Variants in NIBAN1 observed in about 807,000 individuals in gnomAD.
The protein encoded by NIBAN1 is niban apoptosis regulator 1, also known as protein Niban 1.
Under a neutral mutation model 75.1 loss-of-function variants are expected in NIBAN1, and 81 were observed. The observed-to-expected ratio is 1.08, with a 90% CI of 0.90 to 1.30. The LOEUF (loss-of-function observed/expected upper bound fraction) is 1.30, where lower values mean the gene tolerates loss of function less well. Among genes scored for constraint, NIBAN1 ranks in the 50% most tolerant of loss-of-function variants. NIBAN1 has a pLI of 0.00. For missense variants in NIBAN1, 1,133 were observed against 1,128.1 expected, an observed-to-expected ratio of 1.00 and a Z score of -0.06; for synonymous variants, 436 against 424.8, an observed-to-expected ratio of 1.03 and a Z score of -0.32.
intron 1 of NIBAN1, among the ~76,000 whole-genome samples, chr1:184,902,086 C>T (rs1050701614): frequency 6.6e-5 from 10 of 152,032 alleles, no homozygotes; most frequent in African/African-American, 1.2e-4. Flanking sequence ...AGGCAGGGGA[C>T]GGTCTGGCTT....
chr1:184,884,692 G>GCCT lies in NIBAN1; in HGVS notation c.539_541dup (p.Glu180dup). 1 of 1,614,220 alleles carries GCCT rather than the reference G, an allele frequency of 6.2e-7. No individual in the cohort carries two copies. The highest frequency in any genetic ancestry group is 8.5e-7 in the Non-Finnish European group (1 of 1,180,022). ...GGCACTAAACCTCTTCTGGTCAGCA[G>GCCT]CCTCGTGGAAGCAGAAGTAGCCGTG... On this transcript the variant is annotated inframe_insertion, in exon 5 of 14. Transcript: ENST00000367511.
chr1:184,843,451 C>CA (rs111759441), intron 5 of NIBAN1, among the ~76,000 whole-genome samples: 26 of 149,468 alleles, frequency 1.7e-4, no homozygotes, highest in Non-Finnish European at 2.5e-4. Flanking sequence ...TTCCCCCCCG[C>CA]AAAAAAAAAG....
At chr1:184,893,296 T>A (rs1656719219) in intron 3 of NIBAN1, among the ~76,000 whole-genome samples, 1 of 152,174 alleles carries the variant, frequency 6.6e-6, no homozygotes, top group African/African-American at 2.4e-5. Flanking sequence ...CAGGTTCATT[T>A]CTAGTTAATG....
chr1:184,805,179 C>T (rs1489375946), intron 11 of NIBAN1, among the ~76,000 whole-genome samples: 1 of 152,174 alleles, frequency 6.6e-6, no homozygotes, highest in African/African-American at 2.4e-5. Context: ...AGAGACCACC[C>T]CTAGGCTCTG....
intron 5 of NIBAN1, among the ~76,000 whole-genome samples, chr1:184,862,819 C>T (rs2102277698): frequency 7.0e-6 from 1 of 143,520 alleles, no homozygotes; most frequent in East Asian, 2.0e-4. Context: ...CAAGCTATCC[C>T]ACAGTTTTTC....
chr1:184,931,293 C>T (rs1657816593), intron 1 of NIBAN1, among the ~76,000 whole-genome samples: 1 of 152,164 alleles, frequency 6.6e-6, no homozygotes, highest in South Asian at 2.1e-4. Flanking sequence ...AGCCACCGCA[C>T]CCAGCCCTCA....
chr1:184,816,717 A>G (rs1299141586), intron 9 of NIBAN1, among the ~76,000 whole-genome samples: 1 of 151,868 alleles, frequency 6.6e-6, no homozygotes, highest in Non-Finnish European at 1.5e-5. Flanking sequence ...CTCAGTCCTT[A>G]TTCCCTCCTT....
intron 9 of NIBAN1, among the ~76,000 whole-genome samples, chr1:184,813,507 A>G (rs957585295): frequency 1.9e-4 from 29 of 152,268 alleles, no homozygotes; most frequent in Admixed American, 1.8e-3. Context: ...AGGCCTGGGG[A>G]TATATGGAAT....
intron 7 of NIBAN1, 119 bp downstream of exon 7, chr1:184,823,519 T>C (rs1654760247): frequency 1.6e-6 from 2 of 1,263,738 alleles, no homozygotes; most frequent in African/African-American, 3.0e-5. Flanking sequence ...AGGTTCGAAG[T>C]AGGCATTTCT....
intron 9 of NIBAN1, among the ~76,000 whole-genome samples, chr1:184,816,286 T>C (rs1654532272): frequency 6.6e-6 from 1 of 152,218 alleles, no homozygotes; most frequent in African/African-American, 2.4e-5. Flanking sequence ...AATGTTTGCA[T>C]GTAGCCATCT....
At chr1:184,914,840 A>T (rs992687929) in intron 1 of NIBAN1, among the ~76,000 whole-genome samples, 10 of 151,458 alleles carry the variant, frequency 6.6e-5, no homozygotes, top group African/African-American at 2.4e-4. Context: ...CTCCTGCCTC[A>T]GCCTCCTGAG....
intron 1 of NIBAN1, among the ~76,000 whole-genome samples, chr1:184,941,664 A>G (rs1424922979): frequency 6.6e-6 from 1 of 151,986 alleles, no homozygotes; most frequent in Non-Finnish European, 1.5e-5. Flanking sequence ...AAAAAAAAAA[A>G]AAAAAAACCT....
At chr1:184,811,013 T>C (rs1027428049) in intron 9 of NIBAN1, among the ~76,000 whole-genome samples, 7 of 152,254 alleles carry the variant, frequency 4.6e-5, no homozygotes, top group African/African-American at 1.7e-4. Context: ...TGAAGCTCCA[T>C]AGATTTGTGT....
chr1:184,795,994 T>C lies in NIBAN1; in HGVS notation c.1770A>G (p.Thr590=), dbSNP rs1653851260. Residue 590 remains threonine, a synonymous_variant, in exon 14 of 14, where the codon ACA becomes ACG. Transcript: ENST00000367511. ...VSSLTDLKPP[T]GSNQASPARR... ...TGGCAGGGCTGGCCTGGTTTGACCC[T>C]GTGGGGGGCTTTAGATCTGTTAAGC... 2.5e-6 allele frequency: 4 copies of C among 1,613,662 alleles called. No individual in the cohort carries two copies. The African/African-American group carries it at 4.0e-5, about 16-fold the overall frequency.
At chr1:184,939,277 T>C (rs545279192) in intron 1 of NIBAN1, among the ~76,000 whole-genome samples, 7 of 152,308 alleles carry the variant, frequency 4.6e-5, no homozygotes, top group Non-Finnish European at 1.0e-4. Flanking sequence ...AGAGTGACAC[T>C]TCCAGGGGGA....
intron 1 of NIBAN1, among the ~76,000 whole-genome samples, chr1:184,913,059 A>G (rs1356689738): frequency 6.6e-6 from 1 of 151,190 alleles, no homozygotes; most frequent in Non-Finnish European, 1.5e-5. Flanking sequence ...CTATCGATGG[A>G]TACTTGGGCA....
chr1:184,823,501 G>T, intron 7 of NIBAN1, 137 bp downstream of exon 7: 1 of 1,228,182 alleles, frequency 8.1e-7, no homozygotes, highest in Non-Finnish European at 1.1e-6. Flanking sequence ...TTGTAAGTGA[G>T]ACTCAGCAGG....
chr1:184,881,304 C>T (rs77442568), intron 5 of NIBAN1, among the ~76,000 whole-genome samples: 134 of 152,150 alleles, frequency 8.8e-4, no homozygotes, highest in Non-Finnish European at 1.7e-3. Context: ...TAGGAAACGC[C>T]CACCCTATAA....
intron 1 of NIBAN1, among the ~76,000 whole-genome samples, chr1:184,929,270 G>C (rs1201091367): frequency 6.6e-6 from 1 of 151,952 alleles, no homozygotes; most frequent in African/African-American, 2.4e-5. Flanking sequence ...CCAAGTTTAA[G>C]AGTAAAATTC....
Sources: gnomAD v4.1 joint callset for allele counts (sites outside exome capture counted in the v4.1 genomes callset) on GRCh38, gnomAD v4.1.1 for gene constraint, MANE v1.5 for transcripts, NCBI Gene and HGNC (gene_info 2026-07-23, HGNC 2026-07-21) for gene names.